The following CRCP variants were observed in gnomAD, a reference collection of about 807,000 sequenced individuals.
CRCP encodes DNA-directed RNA polymerase III subunit RPC9.
In CRCP, 18 loss-of-function variants were observed where a neutral mutation model predicts 18.5. The ratio of observed to expected loss-of-function variants is 0.97; its 90% CI spans 0.67 to 1.44. The LOEUF (loss-of-function observed/expected upper bound fraction) is 1.44. Ranked by LOEUF, CRCP falls within the 40% of genes most tolerant of loss-of-function variation. The probability of loss-of-function intolerance (pLI) is 0.00; values close to 1 mark genes in which losing one functional copy is unlikely to be tolerated. For missense variants in CRCP, 130 were observed against 176.4 expected, an observed-to-expected ratio of 0.74 and a Z score of 1.49; for synonymous variants, 53 against 62.9, an observed-to-expected ratio of 0.84 and a Z score of 0.75.
At chr7:66,116,341 A>G (rs1052536646) in intron 1 of CRCP, among the ~76,000 whole-genome samples, 1 of 151,912 alleles carries the variant, frequency 6.6e-6, no homozygotes, top group Admixed American at 6.6e-5. Flanking sequence ...CAAAAAATTA[A>G]GAAGTTAGCT....
intron 4 of CRCP, among the ~76,000 whole-genome samples, chr7:66,141,716 C>G: frequency 6.6e-6 from 1 of 152,270 alleles, no homozygotes; most frequent in Non-Finnish European, 1.5e-5. Context: ...TGGATTTGTC[C>G]GTGTGGAGGC....
chr7:66,121,216 A>G (rs1181207951), intron 1 of CRCP, among the ~76,000 whole-genome samples: 1 of 151,454 alleles, frequency 6.6e-6, no homozygotes, highest in Admixed American at 6.6e-5. Flanking sequence ...CTGCCTGGCT[A>G]ATTTTTGTAT....
intron 4 of CRCP, among the ~76,000 whole-genome samples, chr7:66,138,684 C>G (rs34711061): frequency 0.045 from 6,618 of 148,270 alleles, 240 homozygotes; most frequent in Admixed American, 0.075. Context: ...GTCCCAGCTA[C>G]TCGGGAGGCT....
rs34037462 is a variant in CRCP at position 66,116,488 on chromosome 7, TAAAA to T, written c.8+1536_8+1539del. On this transcript the variant is annotated intron_variant, in intron 1 of 5. Coordinates refer to ENST00000395326, the MANE Select transcript of CRCP (RefSeq NM_014478.5). Reference sequence around the variant, plus strand: ...AGAGTGACAGTGTAAGGCTCTGTCTTAAAAAAAAAAAAAAAAAAAAATTGAACCA... The same window carrying T: ...AGAGTGACAGTGTAAGGCTCTGTCTTAAAAAAAAAAAAAAAAATTGAACCA... Among the ~76,000 whole-genome samples the T allele has an allele frequency of 2.3e-3, 313 of 135,126 alleles. 1 individual carries two copies. The highest frequency in any genetic ancestry group is 8.9e-3 in the South Asian group (38 of 4,262). The allele number at this position is 135,126 out of a possible 152,430, so 88.6% of individuals were successfully genotyped here.
chr7:66,136,482 G>C (rs1225608764), intron 4 of CRCP, among the ~76,000 whole-genome samples: 1 of 151,928 alleles, frequency 6.6e-6, no homozygotes, highest in African/African-American at 2.4e-5. Flanking sequence ...CATCCACCTC[G>C]ACCTCTCAAA....
At chr7:66,152,138 A>G in intron 5 of CRCP, 70 bp from the exon 6 acceptor site, 1 of 1,565,722 alleles carries the variant, frequency 6.4e-7, no homozygotes. Context: ...GACCATGAGC[A>G]CAGTGGGCAG....
intron 1 of CRCP, chr7:66,120,714 A>G (rs1208187815): frequency 6.6e-6 from 1 of 152,186 alleles, no homozygotes; most frequent in East Asian, 1.9e-4. Context: ...GGCCCTCCAT[A>G]TCTGCAGGTT....
chr7:66,119,642 A>G (rs926156355), intron 1 of CRCP: 2 of 152,224 alleles, frequency 1.3e-5, no homozygotes, highest in African/African-American at 4.8e-5. Context: ...TTATTGGTAG[A>G]GAGAAAACCC....
chr7:66,135,086 C>T (rs917171389), intron 4 of CRCP, among the ~76,000 whole-genome samples: 9 of 152,164 alleles, frequency 5.9e-5, no homozygotes, highest in Non-Finnish European at 1.0e-4. Flanking sequence ...ACTGCTTCTT[C>T]CCTAATGATT....
At chr7:66,140,382 C>CTTATT (rs1562769618) in intron 4 of CRCP, among the ~76,000 whole-genome samples, 1 of 147,696 alleles carries the variant, frequency 6.8e-6, no homozygotes. Context: ...CTGGAGATTT[C>CTTATT]TTCTTTTCTT....
chr7:66,139,893 G>A (rs903462505), intron 4 of CRCP, among the ~76,000 whole-genome samples: 1 of 152,206 alleles, frequency 6.6e-6, no homozygotes, highest in African/African-American at 2.4e-5. Context: ...GAACTTCCCT[G>A]CTCCTACCCT....
At chr7:66,137,827 A>T (rs1016416095) in intron 4 of CRCP, among the ~76,000 whole-genome samples, 2 of 152,228 alleles carry the variant, frequency 1.3e-5, no homozygotes, top group African/African-American at 2.4e-5. Flanking sequence ...GTTGGTGTAT[A>T]TAAGTCTCTT....
intron 5 of CRCP, 64 bp downstream of exon 5, chr7:66,145,564 G>A: frequency 1.3e-6 from 2 of 1,555,748 alleles, no homozygotes; most frequent in Non-Finnish European, 1.8e-6. Context: ...TGGCTGTGGT[G>A]GACAAGCCAG....
At chr7:66,142,073 C>T (rs1041906256) in intron 4 of CRCP, among the ~76,000 whole-genome samples, 2 of 152,108 alleles carry the variant, frequency 1.3e-5, no homozygotes, top group East Asian at 1.9e-4. Context: ...TTAGTCTTTG[C>T]GATCCCTCTT....
intron 4 of CRCP, among the ~76,000 whole-genome samples, chr7:66,136,801 C>T (rs566737118): frequency 2.0e-5 from 3 of 151,838 alleles, no homozygotes; most frequent in Admixed American, 6.6e-5. Context: ...CAAGATCGGA[C>T]GGGCACGGTG....
chr7:66,138,222 G>T (rs76181282), intron 4 of CRCP, among the ~76,000 whole-genome samples: 2,558 of 152,122 alleles, frequency 0.017, 59 homozygotes, highest in East Asian at 0.093. Flanking sequence ...AGTGACTTCT[G>T]GCTGTCACAG....
chr7:66,123,594 C>T (rs1787516800), intron 1 of CRCP, among the ~76,000 whole-genome samples: 1 of 151,854 alleles, frequency 6.6e-6, no homozygotes, highest in Admixed American at 6.6e-5. Context: ...ACTAAAAATA[C>T]AAAATTAGCC....
chr7:66,117,673 A>G (rs1787310022), intron 1 of CRCP, among the ~76,000 whole-genome samples: 1 of 152,232 alleles, frequency 6.6e-6, no homozygotes, highest in Non-Finnish European at 1.5e-5. Flanking sequence ...CCACATGGCA[A>G]CTGGAGTGAT....
At chr7:66,132,968 T>G (rs989545053) in intron 3 of CRCP, among the ~76,000 whole-genome samples, 1 of 151,988 alleles carries the variant, frequency 6.6e-6, no homozygotes, top group Non-Finnish European at 1.5e-5. Flanking sequence ...TAGCCCATAT[T>G]CAAGGGGAAG....
Sources: allele counts gnomAD v4.1 joint callset (sites outside exome capture counted in the v4.1 genomes callset), GRCh38; gene constraint gnomAD v4.1.1; transcripts MANE v1.5; gene names NCBI Gene and HGNC (gene_info 2026-07-23, HGNC 2026-07-21).